PPP2R2B: variants seen among roughly 807,000 people sequenced by gnomAD.
PPP2R2B encodes the protein protein phosphatase 2 regulatory subunit Bbeta.
A neutral mutation model predicts 46.0 loss-of-function variants in PPP2R2B; 5 were observed. That is an observed-to-expected ratio of 0.11 (90% confidence interval 0.06 to 0.23). The LOEUF is 0.23. PPP2R2B is among the 10% of genes least tolerant of loss of function. The pLI is 1.00. For missense variants in PPP2R2B, 367 were observed against 575.0 expected (o/e 0.64, Z 3.70); for synonymous variants, 215 against 206.7 (o/e 1.04, Z -0.34).
chr5:146,876,956 G>A (rs911243470), intron 2 of PPP2R2B, among the ~76,000 whole-genome samples: 3 of 152,142 alleles, frequency 2.0e-5, no homozygotes, highest in Non-Finnish European at 2.9e-5. Context: ...AGAAATGTTA[G>A]CATCCAAGAA....
chr5:146,927,699 A>G (rs319139), intron 1 of PPP2R2B, among the ~76,000 whole-genome samples: 70,731 of 151,434 alleles, frequency 0.47, 18,582 homozygotes, highest in East Asian at 0.73. Context: ...CAGCCATTAT[A>G]TGGATCAGAA....
intron 9 of PPP2R2B, 91 bp from the exon 10 acceptor site, chr5:146,590,317 C>A (rs1219226422): frequency 1.8e-5 from 25 of 1,360,798 alleles, no homozygotes; most frequent in Admixed American, 7.5e-5. Flanking sequence ...CTTATGACAC[C>A]ATAGGTTTTA....
At chr5:146,682,410 T>C (rs551220874) in intron 5 of PPP2R2B, among the ~76,000 whole-genome samples, 10 of 152,338 alleles carry the variant, frequency 6.6e-5, no homozygotes, top group African/African-American at 2.4e-4. Context: ...TGGCAAGATA[T>C]TATGCTAAAC....
intron 2 of PPP2R2B, among the ~76,000 whole-genome samples, chr5:146,799,783 G>C (rs908493479): frequency 6.6e-6 from 1 of 152,150 alleles, no homozygotes; most frequent in Non-Finnish European, 1.5e-5. Flanking sequence ...ACGAATTTAG[G>C]GGTTATGAGT....
At chr5:146,618,866 A>G (rs1227304892) in intron 7 of PPP2R2B, among the ~76,000 whole-genome samples, 2 of 152,240 alleles carry the variant, frequency 1.3e-5, no homozygotes, top group Non-Finnish European at 2.9e-5. Flanking sequence ...ATCAGGGCTT[A>G]GCAGCAGAAC....
chr5:146,680,983 G>A (rs1484471973), intron 5 of PPP2R2B, among the ~76,000 whole-genome samples: 2 of 152,152 alleles, frequency 1.3e-5, no homozygotes, highest in East Asian at 3.9e-4. Context: ...AGACAAGATA[G>A]TATCTTGCTA....
chr5:146,880,048 G>T (rs1407247296), upstream of PPP2R2B, among the ~76,000 whole-genome samples: 2 of 152,138 alleles, frequency 1.3e-5, no homozygotes, highest in Admixed American at 6.5e-5. Flanking sequence ...AACTGAGGTT[G>T]GGAATTGTCA....
intron 2 of PPP2R2B, among the ~76,000 whole-genome samples, chr5:146,834,915 G>T (rs1220535730): frequency 6.6e-6 from 1 of 152,142 alleles, no homozygotes; most frequent in African/African-American, 2.4e-5. Context: ...TTAGGATAAT[G>T]GCCTCTAGCT....
At chr5:146,753,831 G>C (rs1753692712) in intron 2 of PPP2R2B, among the ~76,000 whole-genome samples, 1 of 152,072 alleles carries the variant, frequency 6.6e-6, no homozygotes. Context: ...AATAGAGGAA[G>C]TGGTTTTGAA....
intron 2 of PPP2R2B, among the ~76,000 whole-genome samples, chr5:146,857,320 A>C (rs1318568146): frequency 6.6e-6 from 1 of 152,202 alleles, no homozygotes; most frequent in African/African-American, 2.4e-5. Flanking sequence ...AATATTCAAA[A>C]TAAACGTGTA....
chr5:146,708,407 A>ATG (rs148698250), intron 2 of PPP2R2B, among the ~76,000 whole-genome samples: 5,858 of 138,674 alleles, frequency 0.042, 118 homozygotes, highest in Middle Eastern at 0.053. Flanking sequence ...GTGTGTGTGT[A>ATG]TGTGTGTGTG....
intron 1 of PPP2R2B, among the ~76,000 whole-genome samples, chr5:146,952,853 A>G (rs1390169665): frequency 6.6e-6 from 1 of 152,144 alleles, no homozygotes; most frequent in Non-Finnish European, 1.5e-5. Context: ...AGCTTTAGCA[A>G]ATGGATGACC....
Position 146,877,012 on chromosome 5 carries a change from T to C in PPP2R2B, c.70+990A>G, listed in dbSNP as rs74986640. ...ACCTTGCAACATTGTCCTAAAGCAT[T>C]TCCACATACATTTTCTCGCATGGAT... On this transcript the variant is annotated intron_variant, in intron 2 of 9. Coordinates refer to ENST00000394411, the MANE Select transcript of PPP2R2B (RefSeq NM_181675.4). Among the ~76,000 whole-genome samples the C allele has an allele frequency of 2.0e-3, 304 of 152,326 alleles. 6 individuals are homozygous for C. In the East Asian group the frequency reaches 0.052, roughly 26 times the overall value.
chr5:147,056,200 G>A, upstream of PPP2R2B: 3 of 867,934 alleles, frequency 3.5e-6, no homozygotes, highest in Non-Finnish European at 4.1e-6. Context: ...AACAAAGACA[G>A]CATAGTGTTC....
chr5:146,592,229 A>G (rs1475988923), intron 9 of PPP2R2B: 2 of 382,350 alleles, frequency 5.2e-6, no homozygotes, highest in East Asian at 8.6e-5. Flanking sequence ...ATCAGTGGCA[A>G]AGAAAGCCAA....
At chr5:146,849,435 T>C (rs749853077) in intron 2 of PPP2R2B, among the ~76,000 whole-genome samples, 2 of 152,224 alleles carry the variant, frequency 1.3e-5, no homozygotes, top group African/African-American at 2.4e-5. Context: ...TGTAAGCTTC[T>C]TAAAGGCAGA....
At chr5:146,976,645 A>G (rs1403081895) in intron 1 of PPP2R2B, among the ~76,000 whole-genome samples, 4 of 152,132 alleles carry the variant, frequency 2.6e-5, no homozygotes, top group Non-Finnish European at 5.9e-5. Context: ...ATGTATATGT[A>G]TATATTTCTA....
intron 1 of PPP2R2B, among the ~76,000 whole-genome samples, chr5:146,939,757 T>G (rs972268588): frequency 5.3e-5 from 8 of 152,236 alleles, no homozygotes; most frequent in African/African-American, 1.9e-4. Context: ...GAGTTGCCTT[T>G]TTGACATTTT....
intron 2 of PPP2R2B, among the ~76,000 whole-genome samples, chr5:146,850,295 T>A (rs1760264189): frequency 6.6e-6 from 1 of 152,180 alleles, no homozygotes; most frequent in African/African-American, 2.4e-5. Flanking sequence ...CTAGACCCTT[T>A]CCAATCTATT....
Sources: allele counts gnomAD v4.1 joint callset (sites outside exome capture counted in the v4.1 genomes callset), GRCh38; gene constraint gnomAD v4.1.1; transcripts MANE v1.5; gene names NCBI Gene and HGNC (gene_info 2026-07-23, HGNC 2026-07-21).